The following UNC13B variants were observed in gnomAD, a reference collection of about 807,000 sequenced individuals.
The protein encoded by UNC13B is protein unc-13 homolog B.
A neutral mutation model predicts 211.0 loss-of-function variants in UNC13B; 144 were observed. The observed-to-expected ratio is 0.68, with a 90% CI of 0.60 to 0.78. UNC13B has a LOEUF of 0.78. Among genes scored for constraint, UNC13B ranks in the 30% least tolerant of loss-of-function variants. The pLI is 0.00. For missense variants in UNC13B, 1,777 were observed against 2,002.0 expected (o/e 0.89, Z 2.14); for synonymous variants, 709 against 725.8 (o/e 0.98, Z 0.37).
intron 1 of UNC13B, among the ~76,000 whole-genome samples, chr9:35,215,486 G>C (rs1387502326): frequency 6.6e-6 from 1 of 152,148 alleles, no homozygotes; most frequent in Non-Finnish European, 1.5e-5. Flanking sequence ...TTACAAACAA[G>C]ATGGAAATAA....
intron 6 of UNC13B, among the ~76,000 whole-genome samples, chr9:35,249,325 T>C (rs1826311902): frequency 6.6e-6 from 1 of 152,242 alleles, no homozygotes; most frequent in Non-Finnish European, 1.5e-5. Flanking sequence ...CCAGTCTGTG[T>C]CTTTTAATTG....
chr9:35,202,134 G>A (rs1823340297), intron 1 of UNC13B, among the ~76,000 whole-genome samples: 1 of 152,150 alleles, frequency 6.6e-6, no homozygotes, highest in Non-Finnish European at 1.5e-5. Flanking sequence ...GAGTTTCCAT[G>A]TAGTTGAGCG....
intron 7 of UNC13B, among the ~76,000 whole-genome samples, chr9:35,272,331 C>G (rs867709358): frequency 6.9e-6 from 1 of 144,108 alleles, no homozygotes; most frequent in Non-Finnish European, 1.5e-5. Flanking sequence ...AATCTTGGGT[C>G]ACTGCAACCT....
intron 9 of UNC13B, among the ~76,000 whole-genome samples, chr9:35,308,671 G>A (rs934161720): frequency 3.3e-5 from 5 of 152,260 alleles, no homozygotes; most frequent in African/African-American, 7.2e-5. Flanking sequence ...CTGGGCCCCC[G>A]ATATTTACTC....
intron 1 of UNC13B, among the ~76,000 whole-genome samples, chr9:35,208,106 G>A (rs574990252): frequency 6.6e-6 from 1 of 152,226 alleles, no homozygotes; most frequent in South Asian, 2.1e-4. Context: ...TAAGTCTGTG[G>A]ATAAAAGAGC....
intron 10 of UNC13B, among the ~76,000 whole-genome samples, chr9:35,313,004 G>A (rs559448029): frequency 4.6e-4 from 70 of 152,140 alleles, no homozygotes; most frequent in Non-Finnish European, 8.2e-4. Context: ...AGGGTTTGCA[G>A]GAACAAAATT....
intron 24 of UNC13B, 138 bp from the exon 25 acceptor site, chr9:35,389,708 A>G (rs2132304579): frequency 1.2e-6 from 1 of 835,564 alleles, no homozygotes; most frequent in Middle Eastern, 3.7e-4. Flanking sequence ...TGTGGAAGAC[A>G]GGCTCTAGGA....
chr9:35,240,365 G>C (rs576923685), intron 5 of UNC13B, among the ~76,000 whole-genome samples: 43 of 152,068 alleles, frequency 2.8e-4, no homozygotes, highest in Non-Finnish European at 5.4e-4. Flanking sequence ...CAGTGTATTT[G>C]TATCTTGTAT....
rs1399409532 is a variant in UNC13B at position 35,190,794 on chromosome 9, G to A, written c.22+28489G>A. 1.3e-5 allele frequency among the ~76,000 whole-genome samples: 2 copies of A among 152,130 alleles called. 1 individual carries two copies. The highest frequency in any genetic ancestry group is 2.9e-5 in the Non-Finnish European group (2 of 68,024). ...AACTGGGATATCCACTTTTAATTAA[G>A]CTGAGCACTCTTTCAGAAAATCCTT... On this transcript the variant is annotated intron_variant, in intron 1 of 39. Transcript: ENST00000635942.
intron 5 of UNC13B, among the ~76,000 whole-genome samples, chr9:35,239,998 A>G (rs555999455): frequency 6.6e-6 from 1 of 152,336 alleles, no homozygotes; most frequent in African/African-American, 2.4e-5. Flanking sequence ...TCAGCTTACA[A>G]AGATGACGGG....
intron 1 of UNC13B, among the ~76,000 whole-genome samples, chr9:35,201,038 A>G (rs2131375452): frequency 6.6e-6 from 1 of 152,262 alleles, no homozygotes; most frequent in Middle Eastern, 3.4e-3. Context: ...GAGAGTTTTT[A>G]GCATGACGGG....
At chr9:35,249,264 G>T (rs953681962) in intron 6 of UNC13B, among the ~76,000 whole-genome samples, 21 of 151,992 alleles carry the variant, frequency 1.4e-4, no homozygotes, top group African/African-American at 5.1e-4. Context: ...CACATGCGAC[G>T]GGCTTCCTGA....
chr9:35,310,606 A>G lies in UNC13B; in HGVS notation c.9148A>G (p.Ser3050Gly), dbSNP rs931176124. 6 of 1,613,912 alleles carry G rather than the reference A, an allele frequency of 3.7e-6. No homozygotes were observed. Among genetic ancestry groups the G allele is most frequent in the Non-Finnish European group, 5.1e-6 (6 of 1,180,012 alleles). ...GATTCATTCTTGCCACAGCTCTCAC[A>G]GCCTGTCCAGAGATGGCCAAGCAGG... Reference protein sequence around the residue: ...DSIHSCHSSHSLSRDGQAGFG... With the variant: ...DSIHSCHSSHGLSRDGQAGFG... Residue 3050 changes from serine to glycine, a missense_variant, in exon 10 of 40, where the codon AGC becomes GGC. By Grantham distance (56) the Ser-to-Gly change is moderately conservative (BLOSUM62 0). Coordinates refer to ENST00000635942, the MANE Select transcript of UNC13B (RefSeq NM_001371189.2).
intron 16 of UNC13B, among the ~76,000 whole-genome samples, chr9:35,377,978 GGGGGAA>G (rs1371049765): frequency 6.6e-6 from 1 of 152,054 alleles, no homozygotes; most frequent in East Asian, 1.9e-4. Flanking sequence ...GGTGGGGGGA[GGGGGAA>G]GGGGAAGGGC....
At chr9:35,218,980 C>T (rs1036647899) in intron 1 of UNC13B, among the ~76,000 whole-genome samples, 1 of 152,022 alleles carries the variant, frequency 6.6e-6, no homozygotes, top group Non-Finnish European at 1.5e-5. Flanking sequence ...AACTCCCAAC[C>T]TCGGGTGATC....
At chr9:35,347,220 T>C (rs577331177) in intron 11 of UNC13B, among the ~76,000 whole-genome samples, 11 of 152,372 alleles carry the variant, frequency 7.2e-5, no homozygotes, top group African/African-American at 2.6e-4. Flanking sequence ...ATAACTTTTA[T>C]TATAATATGT....
chr9:35,236,822 C>T (rs1395495533), intron 4 of UNC13B, among the ~76,000 whole-genome samples: 1 of 152,152 alleles, frequency 6.6e-6, no homozygotes, highest in Admixed American at 6.6e-5. Context: ...ACCTCTTCAG[C>T]CTTATCAGGT....
chr9:35,397,452 C>G (rs1450324450), intron 29 of UNC13B, 142 bp downstream of exon 29: 1 of 1,395,192 alleles, frequency 7.2e-7, no homozygotes, highest in South Asian at 1.3e-5. Flanking sequence ...GTTTCTGGGG[C>G]AGACAGATGG....
intron 11 of UNC13B, among the ~76,000 whole-genome samples, chr9:35,347,781 TG>T (rs964153077): frequency 6.6e-6 from 1 of 152,188 alleles, no homozygotes; most frequent in East Asian, 1.9e-4. Flanking sequence ...GTCAGTAACA[TG>T]GGGAACCAGG....
Sources: allele counts gnomAD v4.1 joint callset (sites outside exome capture counted in the v4.1 genomes callset), GRCh38; gene constraint gnomAD v4.1.1; transcripts MANE v1.5; gene names NCBI Gene and HGNC (gene_info 2026-07-23, HGNC 2026-07-21).